Variants in SDK1 observed in about 807,000 individuals in gnomAD.
SDK1 encodes the protein protein sidekick-1.
A neutral mutation model predicts 245.5 loss-of-function variants in SDK1; 157 were observed. That is an observed-to-expected ratio of 0.64 (90% CI 0.56 to 0.73). The LOEUF (loss-of-function observed/expected upper bound fraction) is 0.73, where lower values mean the gene tolerates loss of function less well. Ranked by LOEUF, SDK1 falls within the 30% of genes least tolerant of loss-of-function variation. The pLI, the probability that SDK1 is intolerant of heterozygous loss-of-function variation, is 0.00. For synonymous variants in SDK1, 1,647 were observed against 1,278.5 expected, an observed-to-expected ratio of 1.29 and a Z score of -6.15; for missense variants, 3,583 against 3,002.3, an observed-to-expected ratio of 1.19 and a Z score of -4.52.
intron 17 of SDK1, among the ~76,000 whole-genome samples, chr7:4,024,642 G>T (rs1340797877): frequency 6.6e-6 from 1 of 152,088 alleles, no homozygotes; most frequent in African/African-American, 2.4e-5. Context: ...TCATCCCTGG[G>T]GGTCACATAA....
chr7:3,866,180 C>G (rs1306209823), intron 5 of SDK1, among the ~76,000 whole-genome samples: 2 of 152,226 alleles, frequency 1.3e-5, no homozygotes, highest in African/African-American at 4.8e-5. Flanking sequence ...CCATATTGAG[C>G]CTTACTTTGG....
rs115400904 is a variant in SDK1 at position 3,967,428 on chromosome 7, A to G, written c.1540A>G (p.Lys514Glu). ...GGCTCCCAAACCCGCCATCACCTGG[A>G]AAAGAGGTGGGTAGCATCCACTGCC... ...SGAPKPAITW[K>E]RENHILASGS... The change falls in exon 10 of 45, where the codon AAA becomes GAA. Residue 514 changes from lysine to glutamate, a missense_variant. Physicochemically the swap from Lys to Glu is moderately conservative, Grantham distance 56. Coordinates refer to ENST00000404826, the MANE Select transcript of SDK1 (RefSeq NM_152744.4). 1,375 of 1,605,926 alleles carry G rather than the reference A, an allele frequency of 8.6e-4. 12 individuals are homozygous for G. The African/African-American group carries it at 0.016, about 19-fold the overall frequency.
At chr7:4,168,988 C>T (rs879361086) in intron 32 of SDK1, among the ~76,000 whole-genome samples, 2 of 152,154 alleles carry the variant, frequency 1.3e-5, no homozygotes, top group Non-Finnish European at 2.9e-5. Flanking sequence ...GGACCAGGAG[C>T]CTTGGGCAAA....
intron 4 of SDK1, among the ~76,000 whole-genome samples, chr7:3,666,848 A>G (rs1300812581): frequency 6.6e-6 from 1 of 152,190 alleles, no homozygotes; most frequent in Non-Finnish European, 1.5e-5. Flanking sequence ...GGTGGAAACG[A>G]GGGATAAATG....
intron 1 of SDK1, among the ~76,000 whole-genome samples, chr7:3,400,875 T>TA (rs1778869941): frequency 6.6e-6 from 1 of 152,310 alleles, no homozygotes; most frequent in Non-Finnish European, 1.5e-5. Flanking sequence ...AAGCCATTCT[T>TA]ACGGCCAGAG....
At chr7:3,376,553 A>G (rs948033983) in intron 1 of SDK1, among the ~76,000 whole-genome samples, 2 of 152,240 alleles carry the variant, frequency 1.3e-5, no homozygotes, top group Non-Finnish European at 2.9e-5. Context: ...ATTTAGAACA[A>G]TGAGAGGTCA....
chr7:3,942,951 G>C (rs1193267890), intron 5 of SDK1, among the ~76,000 whole-genome samples: 1 of 152,178 alleles, frequency 6.6e-6, no homozygotes, highest in Non-Finnish European at 1.5e-5. Flanking sequence ...GGGCAGCTTT[G>C]ACCTCATTGT....
chr7:3,416,947 T>C (rs1779384485), intron 1 of SDK1, among the ~76,000 whole-genome samples: 1 of 152,076 alleles, frequency 6.6e-6, no homozygotes. Context: ...ATGAGGTGGA[T>C]GGATCACCTG....
At chr7:4,149,215 A>G in intron 29 of SDK1, 47 bp from the exon 30 acceptor site, 2 of 1,418,578 alleles carry the variant, frequency 1.4e-6, no homozygotes, top group Non-Finnish European at 1.9e-6. Context: ...GTTCCTTGGG[A>G]AGGGCAGCCT....
Position 3,762,424 on chromosome 7 carries a change from G to A in SDK1, c.714-59026G>A, listed in dbSNP as rs150562458. Among the ~76,000 whole-genome samples the A allele has an allele frequency of 4.9e-4, 75 of 152,306 alleles. 1 individual carries two copies. The East Asian group carries it at 0.014, about 29-fold the overall frequency. On this transcript the variant is annotated intron_variant, in intron 4 of 44. Coordinates refer to ENST00000404826, the MANE Select transcript of SDK1 (RefSeq NM_152744.4). ...CCTCTAGATGTTTACGTAGGTAAAA[G>A]CAAAAAACAACAACAAAAAACTAGT... is the stretch of plus-strand genomic sequence containing the variant.
At chr7:3,798,375 G>C (rs1019865754) in intron 4 of SDK1, among the ~76,000 whole-genome samples, 1 of 151,640 alleles carries the variant, frequency 6.6e-6, no homozygotes, top group African/African-American at 2.4e-5. Flanking sequence ...CCGCCACCAC[G>C]CCCAGCTAAT....
intron 1 of SDK1, among the ~76,000 whole-genome samples, chr7:3,537,061 G>A (rs1222856026): frequency 1.3e-5 from 2 of 152,036 alleles, no homozygotes; most frequent in Non-Finnish European, 2.9e-5. Context: ...TTTACCCACT[G>A]TACTTAAAAT....
chr7:4,083,269 A>C (rs1584066699), intron 22 of SDK1, among the ~76,000 whole-genome samples: 3 of 148,292 alleles, frequency 2.0e-5, no homozygotes, highest in Admixed American at 6.7e-5. Flanking sequence ...CTCCCTACCA[A>C]CCCTCCCCGT....
At chr7:4,197,603 C>G (rs930820395) in intron 35 of SDK1, among the ~76,000 whole-genome samples, 9 of 152,254 alleles carry the variant, frequency 5.9e-5, no homozygotes, top group Admixed American at 3.9e-4. Context: ...AAAACCCCAT[C>G]CGCAGCTTCT....
chr7:3,579,445 T>G (rs1022392878), intron 1 of SDK1, among the ~76,000 whole-genome samples: 1 of 152,198 alleles, frequency 6.6e-6, no homozygotes, highest in African/African-American at 2.4e-5. Context: ...TCTCAATAGG[T>G]GCAGAAAAGG....
chr7:4,019,483 A>G (rs1047738463), intron 17 of SDK1, among the ~76,000 whole-genome samples: 1 of 152,272 alleles, frequency 6.6e-6, no homozygotes, highest in Non-Finnish European at 1.5e-5. Context: ...TCCCGCCTCC[A>G]TGTCCAAGTA....
rs1001413293 is a variant in SDK1, at chr7:3,373,884, A to G, written c.298+72000A>G. 6.6e-5 allele frequency among the ~76,000 whole-genome samples: 10 copies of G among 152,292 alleles called. No individual in the cohort carries two copies. The East Asian group carries it at 1.9e-3, about 29-fold the overall frequency. Reference sequence around the variant, plus strand: ...AGACCTCATTCACAATCACAAGCCCAAAAACTTGAAATAAACTTGATAAGT... The same window carrying G: ...AGACCTCATTCACAATCACAAGCCCGAAAACTTGAAATAAACTTGATAAGT... On this transcript the variant is annotated intron_variant, in intron 1 of 44. Coordinates refer to ENST00000404826, the MANE Select transcript of SDK1 (RefSeq NM_152744.4).
chr7:3,765,545 A>T (rs576077051), intron 4 of SDK1, among the ~76,000 whole-genome samples: 1 of 152,170 alleles, frequency 6.6e-6, no homozygotes, highest in African/African-American at 2.4e-5. Context: ...TGTAGTGTCC[A>T]CCTGTATCTG....
intron 1 of SDK1, among the ~76,000 whole-genome samples, chr7:3,504,180 ATATG>A (rs1227077159): frequency 3.4e-5 from 3 of 89,438 alleles, no homozygotes; most frequent in African/African-American, 8.6e-5. Context: ...ATATATATAT[ATATG>A]TGTGTGTGTG....
Sources: gnomAD v4.1 joint callset for allele counts (sites outside exome capture counted in the v4.1 genomes callset) on GRCh38, gnomAD v4.1.1 for gene constraint, MANE v1.5 for transcripts, NCBI Gene and HGNC (gene_info 2026-07-23, HGNC 2026-07-21) for gene names.